SAE1: variants seen among roughly 807,000 people sequenced by gnomAD.
The protein encoded by SAE1 is SUMO-activating enzyme subunit 1.
Under a neutral mutation model 40.6 loss-of-function variants are expected in SAE1, and 11 were observed. The observed-to-expected ratio is 0.27, with a 90% CI of 0.17 to 0.45. SAE1 has a LOEUF of 0.45. Ranked by LOEUF, SAE1 falls within the 20% of genes least tolerant of loss-of-function variation. The pLI is 1.00. For missense variants in SAE1, 373 were observed against 427.3 expected, an observed-to-expected ratio of 0.87 and a Z score of 1.12; for synonymous variants, 155 against 154.3, an observed-to-expected ratio of 1.00 and a Z score of -0.03.
chr19:47,200,140 A>C (rs1043055332), intron 7 of SAE1, among the ~76,000 whole-genome samples: 3 of 151,376 alleles, frequency 2.0e-5, no homozygotes, highest in Non-Finnish European at 4.4e-5. Flanking sequence ...TCGCTGTGTT[A>C]GCCAGGATGG....
intron 3 of SAE1, among the ~76,000 whole-genome samples, chr19:47,150,823 T>G (rs2058283255): frequency 6.6e-6 from 1 of 152,264 alleles, no homozygotes; most frequent in Non-Finnish European, 1.5e-5. Context: ...AAAGCACACC[T>G]GATCTTGATC....
Position 47,204,509 on chromosome 19 carries a change from C to CCCT in SAE1, c.948+769_948+770insCCT, listed in dbSNP as rs398034856. ...CACTGTACCCAGCCGCACCCCCCCC[C>CCCT]TTTTTTTTTTTTTTTGAGACAGAAT... On this transcript the variant is annotated intron_variant, in intron 8 of 8. Coordinates refer to ENST00000270225, the MANE Select transcript of SAE1 (RefSeq NM_005500.3). 2.6e-4 allele frequency among the ~76,000 whole-genome samples: 29 copies of CCCT among 112,994 alleles called. 1 individual carries two copies. The highest frequency in any genetic ancestry group is 2.4e-3 in the South Asian group (7 of 2,950). The allele number at this position is 112,994 out of a possible 152,430, so 74.1% of individuals were successfully genotyped here.
At chr19:47,196,046 T>C (rs898177685) in intron 6 of SAE1, among the ~76,000 whole-genome samples, 15 of 143,948 alleles carry the variant, frequency 1.0e-4, no homozygotes, top group African/African-American at 3.8e-4. Flanking sequence ...TTCCGGGTCT[T>C]TTTTTTTTTT....
chr19:47,209,567 G>GCTGT lies in SAE1; in HGVS notation c.*317_*318insTGTC, dbSNP rs780780799. 2.4e-6 allele frequency: 1 copy of GCTGT among 416,304 alleles called. No homozygotes were observed. Among genetic ancestry groups the GCTGT allele is most frequent in the Non-Finnish European group, 4.3e-6 (1 of 233,590 alleles). The allele number at this position is 416,304 out of a possible 1,614,324, so 25.8% of individuals were successfully genotyped here. ...CTTTCTCTGTCCTTATGCTGTCCCG[G>GCTGT]CCTCGCCAGCCCTCTGGGGCATTGT... On this transcript the variant is annotated 3_prime_UTR_variant, in exon 9 of 9. Transcript: ENST00000270225.
Position 47,153,018 on chromosome 19 carries a change from C to T in SAE1, c.505C>T (p.Leu169=). The change falls in exon 4 of 9, where the codon CTA becomes TTA. Residue 169 remains leucine (L), a synonymous_variant. Coordinates refer to ENST00000270225, the MANE Select transcript of SAE1 (RefSeq NM_005500.3). ...FGYHGYTFAN[L]GEHEFVEEKT... is the part of the protein sequence containing the mutation. ...CTACCATGGATACACATTTGCCAATCTAGGAGAGCATGAGTTTGTAGAGTA... is the reference window on the plus strand; with the variant it reads ...CTACCATGGATACACATTTGCCAATTTAGGAGAGCATGAGTTTGTAGAGTA... 10 of 1,613,078 alleles carry T rather than the reference C, an allele frequency of 6.2e-6. No homozygotes were observed. Among genetic ancestry groups the T allele is most frequent in the Non-Finnish European group, 8.5e-6 (10 of 1,179,554 alleles).
chr19:47,170,503 CTT>C (rs34836827), intron 6 of SAE1, among the ~76,000 whole-genome samples: 8 of 83,932 alleles, frequency 9.5e-5, no homozygotes, highest in African/African-American at 2.9e-4. Context: ...CGCCCCCCGC[CTT>C]TTTTTTTTTT....
intron 5 of SAE1, among the ~76,000 whole-genome samples, chr19:47,169,254 T>C (rs2058415533): frequency 6.6e-6 from 1 of 152,116 alleles, no homozygotes; most frequent in Admixed American, 6.6e-5. Flanking sequence ...TAGTTTTGTT[T>C]TGGTTTTTTT....
chr19:47,136,132 G>A (rs1233684877), intron 1 of SAE1, among the ~76,000 whole-genome samples: 1 of 151,912 alleles, frequency 6.6e-6, no homozygotes, highest in African/African-American at 2.4e-5. Flanking sequence ...ATAAACATGG[G>A]ATTTATTGCA....
chr19:47,150,622 G>A (rs189259949), intron 3 of SAE1, among the ~76,000 whole-genome samples: 2 of 152,250 alleles, frequency 1.3e-5, no homozygotes, highest in Non-Finnish European at 2.9e-5. Flanking sequence ...CTTCTTCTCT[G>A]GGCATATGTT....
intron 5 of SAE1, among the ~76,000 whole-genome samples, chr19:47,168,181 G>GA (rs1163660209): frequency 6.6e-6 from 1 of 151,898 alleles, no homozygotes; most frequent in Non-Finnish European, 1.5e-5. Flanking sequence ...GACAGAGGGG[G>GA]AGACTGTCTG....
chr19:47,172,013 G>A (rs530147017), intron 6 of SAE1, among the ~76,000 whole-genome samples: 14 of 152,152 alleles, frequency 9.2e-5, no homozygotes, highest in Middle Eastern at 6.8e-3. Context: ...TCCACCTCCC[G>A]GTTCAAACAG....
chr19:47,161,413 T>G (rs907197620), intron 5 of SAE1, among the ~76,000 whole-genome samples: 1 of 152,168 alleles, frequency 6.6e-6, no homozygotes, highest in African/African-American at 2.4e-5. Flanking sequence ...AACACAAATA[T>G]TTTTGGTACT....
intron 6 of SAE1, among the ~76,000 whole-genome samples, chr19:47,182,649 A>G (rs969344311): frequency 3.9e-5 from 6 of 152,162 alleles, no homozygotes; most frequent in Admixed American, 1.3e-4. Flanking sequence ...AGTGCCTTAC[A>G]GCAGAGAGCT....
At chr19:47,192,251 TGTC>T (rs962034066) in intron 6 of SAE1, among the ~76,000 whole-genome samples, 11 of 151,804 alleles carry the variant, frequency 7.2e-5, no homozygotes, top group African/African-American at 2.4e-4. Flanking sequence ...TTGTTGTTGT[TGTC>T]GTCGTTGTTG....
At chr19:47,132,424 G>GT (rs74749546) in intron 1 of SAE1, among the ~76,000 whole-genome samples, 1,370 of 130,908 alleles carry the variant, frequency 0.01, 9 homozygotes, top group African/African-American at 0.017. Flanking sequence ...ACTAATTTTT[G>GT]TTTTTTTTTT....
chr19:47,181,676 G>A (rs558228799), intron 6 of SAE1, among the ~76,000 whole-genome samples: 6 of 149,940 alleles, frequency 4.0e-5, no homozygotes, highest in East Asian at 2.0e-4. Flanking sequence ...ATGGGGTTTC[G>A]CCATGTTAGC....
At chr19:47,178,235 C>T (rs901934574) in intron 6 of SAE1, among the ~76,000 whole-genome samples, 9 of 151,794 alleles carry the variant, frequency 5.9e-5, no homozygotes, top group Non-Finnish European at 1.3e-4. Flanking sequence ...GGGCAAGACT[C>T]CATCTCCAAA....
chr19:47,205,022 A>G (rs1267026260), intron 8 of SAE1, among the ~76,000 whole-genome samples: 1 of 152,124 alleles, frequency 6.6e-6, no homozygotes, highest in African/African-American at 2.4e-5. Context: ...GGTTGCTAAA[A>G]CTATACCATA....
chr19:47,204,509 CTTT>C, intron 8 of SAE1, among the ~76,000 whole-genome samples: 1 of 112,998 alleles, frequency 8.8e-6, no homozygotes, highest in East Asian at 2.8e-4. Context: ...CACCCCCCCC[CTTT>C]TTTTTTTTTT....
Sources: allele counts gnomAD v4.1 joint callset (sites outside exome capture counted in the v4.1 genomes callset), GRCh38; gene constraint gnomAD v4.1.1; transcripts MANE v1.5; gene names NCBI Gene and HGNC (gene_info 2026-07-23, HGNC 2026-07-21).